The following RAB37 variants were observed in gnomAD, a reference collection of about 807,000 sequenced individuals.
RAB37 encodes RAB37, member RAS oncogene family.
In RAB37, 29 loss-of-function variants were observed where a neutral mutation model predicts 33.1. The ratio of observed to expected loss-of-function variants is 0.88; its 90% CI spans 0.65 to 1.20. The LOEUF is 1.20. Among genes scored for constraint, RAB37 ranks in the 50% most tolerant of loss-of-function variants. The pLI, the probability that RAB37 is intolerant of heterozygous loss-of-function variation, is 0.00. For missense variants in RAB37, 299 were observed against 301.1 expected (o/e 0.99, Z 0.05); for synonymous variants, 128 against 119.5 (o/e 1.07, Z -0.47).
intron 1 of RAB37, chr17:74,695,798 G>T (rs2032402903): frequency 4.3e-6 from 7 of 1,614,034 alleles, no homozygotes; most frequent in Non-Finnish European, 5.1e-6. Context: ...TTGCGGGGAG[G>T]TTCCGGCCAG....
chr17:74,736,808 G>T (rs951662754), upstream of RAB37: 1 of 1,534,916 alleles, frequency 6.5e-7, no homozygotes, highest in African/African-American at 1.4e-5. Context: ...GAAGTGTCTC[G>T]GGGCCATCGG....
At chr17:74,718,657 A>G (rs535018337) in intron 1 of RAB37, among the ~76,000 whole-genome samples, 1 of 152,260 alleles carries the variant, frequency 6.6e-6, no homozygotes, top group South Asian at 2.1e-4. Flanking sequence ...AGTGCAATGC[A>G]CCTCCTCAAC....
At position 74,744,595 on chromosome 17, in the gene RAB37, A is replaced by G; in HGVS notation, c.432+222A>G. On this transcript the variant is annotated intron_variant, in intron 6 of 8. Transcript: ENST00000392613. The surrounding 1 kb of genome is among the most constrained non-coding windows in gnomAD (Gnocchi z 4.2). ...AGAAATCAAGGGGTGCCCAGTTCTC[A>G]GCCCCCATTAGAGCAGAGTGAACAG... 1 of 627,524 alleles carries G rather than the reference A, an allele frequency of 1.6e-6. No homozygotes were observed. The highest frequency in any genetic ancestry group is 1.9e-5 in the South Asian group (1 of 52,172). The allele number at this position is 627,524 out of a possible 1,614,324, so 38.9% of individuals were successfully genotyped here.
At position 74,671,633 on chromosome 17, in the gene RAB37, A is replaced by T; in HGVS notation, c.47A>T (p.Asp16Val). 6.2e-7 allele frequency: 1 copy of T among 1,614,250 alleles called. No individual in the cohort carries two copies. Among genetic ancestry groups the T allele is most frequent in the Non-Finnish European group, 8.5e-7 (1 of 1,180,044 alleles). The stretch of plus-strand genomic sequence containing the variant: ...TCCTACCAGGGAGGAGCTGGCCCTG[A>T]CTTCAACGACCACGTCCTGCATAAG... The change falls in exon 1 of 8, where the codon GAC (aspartate) becomes GTC (valine). Residue 16 changes from aspartate to valine, a missense_variant. Asp to Val is a radical substitution (Grantham distance 152). Coordinates refer to the RAB37 transcript ENST00000340415. The surrounding 1 kb of genome is among the most constrained non-coding windows in gnomAD (Gnocchi z 5.0).
Position 74,737,354 on chromosome 17 carries a change from C to G in RAB37, c.82C>G (p.Leu28Val), listed in dbSNP as rs1386763019. The change falls in exon 1 of 9, where the codon CTC becomes GTC. Residue 28 changes from leucine (L) to valine (V), a missense_variant. Physicochemically the swap from Leu to Val is conservative, Grantham distance 32 (BLOSUM62 1). Coordinates refer to ENST00000392613, the MANE Select transcript of RAB37 (RefSeq NM_001006638.3). ...RSPPCSPSYD[L>V]TGKVMLLGDT... is the part of the protein sequence containing the mutation. ...CCCGCCCTGCAGTCCGAGCTACGAC[C>G]TCACGGGCAAGGTGGGTGGGCCTCT... The G allele has an allele frequency of 6.4e-7, 1 of 1,573,932 alleles. No homozygotes were observed. The highest frequency in any genetic ancestry group is 1.8e-5 in the Admixed American group (1 of 55,586).
At chr17:74,720,263 C>T (rs1025851212) in intron 1 of RAB37, among the ~76,000 whole-genome samples, 3 of 152,128 alleles carry the variant, frequency 2.0e-5, no homozygotes, top group African/African-American at 4.8e-5. Context: ...TCTGGCCCCA[C>T]GGCAGCATGA....
intron 1 of RAB37, among the ~76,000 whole-genome samples, chr17:74,693,877 C>T (rs1054525334): frequency 6.6e-6 from 1 of 150,582 alleles, no homozygotes; most frequent in East Asian, 2.0e-4. Context: ...TGCAGTGAGC[C>T]GAGATCTCAC....
In RAB37 at chr17:74,742,331, G is replaced by A; in HGVS notation, c.246+36G>A. On this transcript the variant is annotated intron_variant, in intron 3 of 8. Transcript: ENST00000392613. This position sits in a 1 kb window ranked among gnomAD's most constrained non-coding sequence, Gnocchi z 4.0. ...AGGCTGGAGTTGGGGAGGGAGGATGGAGGACCTGCCCTTCCTTCTCACCCT... is the reference window on the plus strand; with the variant it reads ...AGGCTGGAGTTGGGGAGGGAGGATGAAGGACCTGCCCTTCCTTCTCACCCT... 1 of 1,540,374 alleles carries A rather than the reference G, an allele frequency of 6.5e-7. No homozygotes were observed. The highest frequency in any genetic ancestry group is 9.0e-7 in the Non-Finnish European group (1 of 1,116,456).
chr17:74,696,731 G>A (rs890306423), intron 1 of RAB37, among the ~76,000 whole-genome samples: 1 of 152,188 alleles, frequency 6.6e-6, no homozygotes, highest in Non-Finnish European at 1.5e-5. Flanking sequence ...CAGGTGGGCT[G>A]TAAGCTGCAG....
chr17:74,673,835 A>T (rs1270617410), intron 1 of RAB37, among the ~76,000 whole-genome samples: 1 of 152,204 alleles, frequency 6.6e-6, no homozygotes, highest in Non-Finnish European at 1.5e-5. Context: ...GCAGAGTGAC[A>T]TATGTATGTA....
chr17:74,745,319 C>G lies in RAB37; in HGVS notation c.580C>G (p.Arg194Gly). 3.1e-6 allele frequency: 5 copies of G among 1,614,026 alleles called. No individual in the cohort carries two copies. The highest frequency in any genetic ancestry group is 2.5e-6 in the Non-Finnish European group (3 of 1,179,982). The change falls in exon 9 of 9, where the codon CGG becomes GGG. Residue 194 changes from arginine (R) to glycine (G), a missense_variant. Transcript: ENST00000392613. The surrounding 1 kb of genome is among the most constrained non-coding windows in gnomAD (Gnocchi z 4.5). Reference sequence around the variant, plus strand: ...CTCTTCTTCAAGGGAACTGAAATACCGGGCCGGGCATCAGGCGGATGAGCC... The same window carrying G: ...CTCTTCTTCAAGGGAACTGAAATACGGGGCCGGGCATCAGGCGGATGAGCC... ...FLAIAKELKY[R>G]AGHQADEPSF...
chr17:74,709,567 C>CT (rs552007025), intron 1 of RAB37, among the ~76,000 whole-genome samples: 47 of 149,558 alleles, frequency 3.1e-4, no homozygotes, highest in African/African-American at 8.1e-4. Context: ...CCAAATTATT[C>CT]TTTTTTTTTT....
At chr17:74,724,738 C>T (rs1422458815) in intron 1 of RAB37, among the ~76,000 whole-genome samples, 2 of 152,152 alleles carry the variant, frequency 1.3e-5, no homozygotes, top group Non-Finnish European at 2.9e-5. Flanking sequence ...AAAGAACCTT[C>T]TTAAGGGTAG....
chr17:74,721,857 T>A (rs1031113237), intron 1 of RAB37, among the ~76,000 whole-genome samples: 4 of 152,172 alleles, frequency 2.6e-5, no homozygotes, highest in Non-Finnish European at 5.9e-5. Context: ...ACTAATAGTG[T>A]ATGTATGAGT....
At chr17:74,710,073 G>A (rs1249175677) in intron 1 of RAB37, among the ~76,000 whole-genome samples, 2 of 152,102 alleles carry the variant, frequency 1.3e-5, no homozygotes, top group African/African-American at 4.8e-5. Flanking sequence ...CCGCCTCCCG[G>A]GTTCACGCCA....
Position 74,671,577 on chromosome 17 carries a change from C to A in RAB37, c.-10C>A. 2 of 1,614,104 alleles carry A rather than the reference C, an allele frequency of 1.2e-6. No individual in the cohort carries two copies. Among genetic ancestry groups the A allele is most frequent in the Non-Finnish European group, 8.5e-7 (1 of 1,179,974 alleles). On this transcript the variant is annotated 5_prime_UTR_variant, in exon 1 of 8. Transcript: ENST00000340415. The surrounding 1 kb of genome is among the most constrained non-coding windows in gnomAD (Gnocchi z 5.0). The stretch of plus-strand genomic sequence containing the variant: ...CAGGGAGAGCCGGAGCGGCGAGCTC[C>A]AAGCCTGGCATGGACCTGCAGAGAC...
At chr17:74,677,511 A>C (rs939124360) in intron 1 of RAB37, 1 of 152,218 alleles carries the variant, frequency 6.6e-6, no homozygotes, top group Admixed American at 6.5e-5. Context: ...TTTTGTTTTC[A>C]AAGCGCACTA....
intron 1 of RAB37, among the ~76,000 whole-genome samples, chr17:74,721,061 C>G (rs1408531843): frequency 3.9e-5 from 6 of 152,214 alleles, no homozygotes; most frequent in Non-Finnish European, 7.3e-5. Flanking sequence ...TGTCTCTTCT[C>G]TCCTTCTCAG....
At chr17:74,704,717 G>C in intron 1 of RAB37, 3 of 1,614,102 alleles carry the variant, frequency 1.9e-6, no homozygotes, top group Non-Finnish European at 2.5e-6. Context: ...CTTCAAGTAG[G>C]TCTCCCAGCC....
Sources: allele counts gnomAD v4.1 joint callset (sites outside exome capture counted in the v4.1 genomes callset), GRCh38; gene constraint gnomAD v4.1.1; non-coding constraint Gnocchi (gnomAD v3.1); transcripts MANE v1.5; gene names NCBI Gene and HGNC (gene_info 2026-07-23, HGNC 2026-07-21).